DLGAP2: variants seen among roughly 807,000 people sequenced by gnomAD.
The protein encoded by DLGAP2 is disks large-associated protein 2.
DLGAP2 carries 26 observed loss-of-function variants against 100.3 expected under a neutral mutation model. That is an observed-to-expected ratio of 0.26 (90% confidence interval 0.19 to 0.36). The LOEUF (loss-of-function observed/expected upper bound fraction) is 0.36, where lower values mean the gene tolerates loss of function less well. Ranked by LOEUF, DLGAP2 falls within the 10% of genes least tolerant of loss-of-function variation. The pLI, the probability that DLGAP2 is intolerant of heterozygous loss-of-function variation, is 1.00. For synonymous variants in DLGAP2, 886 were observed against 630.1 expected, an observed-to-expected ratio of 1.41 and a Z score of -6.08; for missense variants, 1,858 against 1,453.2, an observed-to-expected ratio of 1.28 and a Z score of -4.53.
intron 3 of DLGAP2, among the ~76,000 whole-genome samples, chr8:1,303,826 C>T (rs1800424914): frequency 1.3e-5 from 2 of 152,088 alleles, no homozygotes; most frequent in Non-Finnish European, 2.9e-5. Flanking sequence ...GAGGAGAAGG[C>T]GGGACTCCCG....
At chr8:1,287,157 T>TGTGTGTGTGTGTGC (rs1315463950) in intron 3 of DLGAP2, among the ~76,000 whole-genome samples, 1,099 of 99,490 alleles carry the variant, frequency 0.011, 50 homozygotes, top group African/African-American at 0.034. Context: ...TGTGTGTGTG[T>TGTGTGTGTGTGTGC]GCGCGCGCGC....
rs182167998 is a variant in DLGAP2 at position 1,420,415 on chromosome 8, C to G, written c.107-80951C>G. Among the ~76,000 whole-genome samples the G allele has an allele frequency of 6.6e-5, 10 of 152,308 alleles. No individual in the cohort carries two copies. In the South Asian group the frequency reaches 1.9e-3, roughly 28 times the overall value. On this transcript the variant is annotated intron_variant, in intron 3 of 14. Transcript: ENST00000637795. ...CTGGCCACCTCACTTCTGCGATTCTCTCTTCCACTCTACGCTGGTGTCCCA... is the reference window on the plus strand; with the variant it reads ...CTGGCCACCTCACTTCTGCGATTCTGTCTTCCACTCTACGCTGGTGTCCCA...
chr8:1,279,197 C>T (rs1019794318), intron 3 of DLGAP2, among the ~76,000 whole-genome samples: 32 of 152,150 alleles, frequency 2.1e-4, no homozygotes, highest in Admixed American at 2.1e-3. Flanking sequence ...AAGTTCTTAA[C>T]CTCAAAAGCC....
At chr8:827,143 G>A (rs1211178197) in intron 1 of DLGAP2, among the ~76,000 whole-genome samples, 1 of 152,168 alleles carries the variant, frequency 6.6e-6, no homozygotes, top group Admixed American at 6.5e-5. Flanking sequence ...ATGCCACAGA[G>A]CAGCCTACAG....
At chr8:1,365,504 T>C (rs1802089109) in intron 3 of DLGAP2, among the ~76,000 whole-genome samples, 1 of 152,152 alleles carries the variant, frequency 6.6e-6, no homozygotes. Context: ...GCAGGTGCCC[T>C]CCCAGGTCCA....
chr8:1,162,677 TATTA>T (rs1250788614), intron 2 of DLGAP2, among the ~76,000 whole-genome samples: 3 of 152,268 alleles, frequency 2.0e-5, no homozygotes, highest in Non-Finnish European at 2.9e-5. Flanking sequence ...TATTTCATAA[TATTA>T]ATTCCATAAT....
chr8:1,561,108 G>A (rs766364193), intron 5 of DLGAP2, among the ~76,000 whole-genome samples: 1 of 152,108 alleles, frequency 6.6e-6, no homozygotes, highest in Non-Finnish European at 1.5e-5. Flanking sequence ...AGATCTGATG[G>A]TTTTTTAAAA....
chr8:904,960 G>A (rs1584878730), intron 1 of DLGAP2, among the ~76,000 whole-genome samples: 1 of 152,216 alleles, frequency 6.6e-6, no homozygotes, highest in Non-Finnish European at 1.5e-5. Flanking sequence ...AGCCAGAGCC[G>A]GTGCGGCAAG....
chr8:1,226,269 A>T (rs1798413620), intron 2 of DLGAP2, among the ~76,000 whole-genome samples: 1 of 152,198 alleles, frequency 6.6e-6, no homozygotes, highest in Non-Finnish European at 1.5e-5. Context: ...AATGCGGTGC[A>T]CCATGGAATA....
At chr8:1,045,902 C>T (rs576696553) in intron 2 of DLGAP2, among the ~76,000 whole-genome samples, 1 of 152,256 alleles carries the variant, frequency 6.6e-6, no homozygotes, top group East Asian at 1.9e-4. Flanking sequence ...AATGTTGACT[C>T]CCAGACCTGC....
chr8:1,279,655 T>C (rs1461485236), intron 3 of DLGAP2, among the ~76,000 whole-genome samples: 1 of 152,210 alleles, frequency 6.6e-6, no homozygotes, highest in Non-Finnish European at 1.5e-5. Context: ...CATGAAGGTG[T>C]CAGCTTGTGA....
At chr8:756,680 A>T (rs1026289283) in intron 1 of DLGAP2, among the ~76,000 whole-genome samples, 3 of 152,084 alleles carry the variant, frequency 2.0e-5, no homozygotes, top group Non-Finnish European at 4.4e-5. Flanking sequence ...AGATGCGGAA[A>T]CTGAGGCTGA....
chr8:1,430,253 C>G (rs1381324153), intron 3 of DLGAP2, among the ~76,000 whole-genome samples: 1 of 151,512 alleles, frequency 6.6e-6, no homozygotes, highest in Non-Finnish European at 1.5e-5. Context: ...AATTTAGATT[C>G]TACATAAGCA....
chr8:1,335,424 C>G (rs1396365879), intron 3 of DLGAP2, among the ~76,000 whole-genome samples: 2 of 152,216 alleles, frequency 1.3e-5, no homozygotes, highest in African/African-American at 4.8e-5. Context: ...TGGGCTGACA[C>G]TATGCTGTGT....
chr8:1,500,714 C>T (rs1799692434), intron 3 of DLGAP2, among the ~76,000 whole-genome samples: 1 of 152,260 alleles, frequency 6.6e-6, no homozygotes, highest in South Asian at 2.1e-4. Flanking sequence ...CCTTTTACAG[C>T]CACATGCTGA....
At chr8:1,124,931 G>T (rs559640461) in intron 2 of DLGAP2, among the ~76,000 whole-genome samples, 17 of 152,238 alleles carry the variant, frequency 1.1e-4, no homozygotes, top group African/African-American at 4.1e-4. Context: ...CCCCTATACC[G>T]AGGAGGCATC....
rs376703626 is a variant in DLGAP2, at chr8:1,265,757, C to T, written c.106+6874C>T. On this transcript the variant is annotated intron_variant, in intron 3 of 14. Coordinates refer to ENST00000637795, the MANE Select transcript of DLGAP2 (RefSeq NM_001346810.2). ...GAGTTTTCGTAGTCAATACTGATGC[C>T]AGATGATGTTGGAATAATGTCTAAG... Among the ~76,000 whole-genome samples the T allele has an allele frequency of 1.9e-4, 29 of 152,220 alleles. No homozygotes were observed. In the East Asian group the frequency reaches 3.3e-3, roughly 17 times the overall value.
intron 1 of DLGAP2, among the ~76,000 whole-genome samples, chr8:866,961 T>G (rs921653754): frequency 6.6e-6 from 1 of 152,128 alleles, no homozygotes; most frequent in Non-Finnish European, 1.5e-5. Flanking sequence ...CCTTACAGGC[T>G]CACTGCCTTG....
chr8:1,560,849 G>C (rs1226629767), intron 5 of DLGAP2, among the ~76,000 whole-genome samples: 1 of 152,250 alleles, frequency 6.6e-6, no homozygotes, highest in Non-Finnish European at 1.5e-5. Context: ...GAGAGAACCT[G>C]CTGTGGCTGA....
Sources: allele counts gnomAD v4.1 joint callset (sites outside exome capture counted in the v4.1 genomes callset), GRCh38; gene constraint gnomAD v4.1.1; transcripts MANE v1.5; gene names NCBI Gene and HGNC (gene_info 2026-07-23, HGNC 2026-07-21).